Variants in AVIL observed in about 807,000 individuals in gnomAD.
The protein encoded by AVIL is advillin.
In AVIL, 78 loss-of-function variants were observed where a neutral mutation model predicts 109.9. That is an observed-to-expected ratio of 0.71 (90% CI 0.59 to 0.86). The LOEUF (loss-of-function observed/expected upper bound fraction) is 0.86. Among genes scored for constraint, AVIL ranks in the 40% least tolerant of loss-of-function variants. The probability of loss-of-function intolerance (pLI) is 0.00; values close to 1 mark genes in which losing one functional copy is unlikely to be tolerated. For missense variants in AVIL, 892 were observed against 1,016.5 expected (o/e 0.88, Z 1.67); for synonymous variants, 367 against 379.1 (o/e 0.97, Z 0.37).
chr12:57,812,587 C>A (rs574240848), intron 4 of AVIL, among the ~76,000 whole-genome samples: 4 of 148,860 alleles, frequency 2.7e-5, no homozygotes, highest in African/African-American at 9.9e-5. Flanking sequence ...GTCTTGAACT[C>A]CTGACCTCGT....
chr12:57,814,286 C>T lies in AVIL; in HGVS notation c.67-60G>A, dbSNP rs1276235180. 4.0e-6 allele frequency: 6 copies of T among 1,491,950 alleles called. No individual in the cohort carries two copies. In the Admixed American group the frequency reaches 5.7e-5, roughly 14 times the overall value. The allele number at this position is 1,491,950 out of a possible 1,614,324, so 92.4% of individuals were successfully genotyped here. On this transcript the variant is annotated intron_variant, in intron 2 of 19. Coordinates refer to ENST00000549994, the MANE Select transcript of AVIL (RefSeq NM_006576.4). ...CCTCCCACCTCCCTTCCCCATGAGCCTCCCTCTCCTCTCTGTCATTCGGTG... is the reference window on the plus strand; with the variant it reads ...CCTCCCACCTCCCTTCCCCATGAGCTTCCCTCTCCTCTCTGTCATTCGGTG...
Position 57,813,294 on chromosome 12 carries a change from C to T in AVIL, c.271G>A (p.Val91Met), listed in dbSNP as rs776067218. The T allele has an allele frequency of 4.3e-6, 7 of 1,614,134 alleles. No individual in the cohort carries two copies. The highest frequency in any genetic ancestry group is 2.2e-5 in the South Asian group (2 of 91,074). Residue 91 changes from valine (V) to methionine (M), a missense_variant, in exon 4 of 20, where the codon GTG becomes ATG. Physicochemically the swap from Val to Met is conservative, Grantham distance 21. Transcript: ENST00000549994. ...QLDDYLGGSP[V>M]QHREVQYHES... ...TGGTACTGGACCTCTCGGTGCTGCA[C>T]AGGGCTGCCTCCCAGGTAGTCGTCC...
chr12:57,817,439 A>C (rs773923565), intron 1 of AVIL, among the ~76,000 whole-genome samples: 11 of 151,642 alleles, frequency 7.3e-5, no homozygotes, highest in Non-Finnish European at 1.3e-4. Context: ...GCAGGACTAA[A>C]GCAAGGCAAT....
At chr12:57,814,380 G>T in intron 2 of AVIL, 154 bp from the exon 3 acceptor site, 1 of 715,480 alleles carries the variant, frequency 1.4e-6, no homozygotes, top group Non-Finnish European at 2.3e-6. Context: ...CCAGCCACAG[G>T]GTTAACGTGG....
rs532189662 is a variant in AVIL, at chr12:57,799,806, C to T, written c.2335G>A (p.Ala779Thr). ...CTTCAGCCACTCACCTCCTTTTTGG[C>T]AGGGTTTACATCCTCAGGCAGCTCC... ...NQELPEDVNP[A>T]KKENYLSEQD... The change falls in exon 19 of 20, where the codon GCC becomes ACC. Residue 779 changes from alanine to threonine, a missense_variant. Coordinates refer to ENST00000549994, the MANE Select transcript of AVIL (RefSeq NM_006576.4). 74 of 1,613,902 alleles carry T rather than the reference C, an allele frequency of 4.6e-5. No individual in the cohort carries two copies. In the South Asian group the frequency reaches 7.9e-4, roughly 17 times the overall value.
intron 17 of AVIL, 67 bp from the exon 18 acceptor site, chr12:57,801,279 G>T (rs527482959): frequency 3.7e-6 from 5 of 1,341,868 alleles, no homozygotes; most frequent in East Asian, 2.3e-5. Flanking sequence ...CTTAGGTCTG[G>T]TCTGTGTCTT....
chr12:57,799,675 G>T, intron 19 of AVIL, 120 bp downstream of exon 19: 1 of 1,414,646 alleles, frequency 7.1e-7, no homozygotes, highest in Non-Finnish European at 9.6e-7. Context: ...TTCCTAGGTA[G>T]CTCAGATGTC....
chr12:57,815,676 T>A, intron 2 of AVIL: 1 of 1,362,150 alleles, frequency 7.3e-7, no homozygotes. Context: ...GTCCCACCTG[T>A]CTTTCCAGGG....
At chr12:57,813,758 T>C (rs1205077411) in intron 3 of AVIL, among the ~76,000 whole-genome samples, 4 of 152,146 alleles carry the variant, frequency 2.6e-5, no homozygotes, top group Non-Finnish European at 5.9e-5. Context: ...GGCACAGTGC[T>C]CATCTGTACA....
chr12:57,805,229 G>A (rs757159068), intron 14 of AVIL, among the ~76,000 whole-genome samples: 8 of 151,068 alleles, frequency 5.3e-5, no homozygotes, highest in Non-Finnish European at 1.0e-4. Context: ...CTAATTTTTT[G>A]TATTTTTAGT....
At chr12:57,817,681 A>G (rs967967586) in intron 1 of AVIL, among the ~76,000 whole-genome samples, 3 of 152,132 alleles carry the variant, frequency 2.0e-5, no homozygotes, top group African/African-American at 2.4e-5. Context: ...GCCGGCAGCA[A>G]TTAGGACTGT....
Position 57,799,805 on chromosome 12 carries a change from G to A in AVIL, c.2336C>T (p.Ala779Val). 1 of 1,613,816 alleles carries A rather than the reference G, an allele frequency of 6.2e-7. No homozygotes were observed. Among genetic ancestry groups the A allele is most frequent in the Non-Finnish European group, 8.5e-7 (1 of 1,179,976 alleles). ...CCTTCAGCCACTCACCTCCTTTTTG[G>A]CAGGGTTTACATCCTCAGGCAGCTC... ...NQELPEDVNP[A>V]KKENYLSEQD... The change falls in exon 19 of 20, where the codon GCC becomes GTC. Residue 779 changes from alanine to valine, a missense_variant. Ala to Val is a moderately conservative substitution (Grantham distance 64). Transcript: ENST00000549994.
chr12:57,808,759 C>T, intron 9 of AVIL: 1 of 574,362 alleles, frequency 1.7e-6, no homozygotes, highest in Non-Finnish European at 3.0e-6. Context: ...TGTTTATTGG[C>T]TTGCGGTGAT....
At position 57,797,830 on chromosome 12, in the gene AVIL, G is replaced by T; in HGVS notation, c.*52C>A. Reference sequence around the variant, plus strand: ...GGTGGATAAATTATTTCCTGATATTGGCACTATCTGCTCTTTTCTGTGGCC... The same window carrying T: ...GGTGGATAAATTATTTCCTGATATTTGCACTATCTGCTCTTTTCTGTGGCC... On this transcript the variant is annotated 3_prime_UTR_variant, in exon 20 of 20. Transcript: ENST00000549994. 1.5e-6 allele frequency: 2 copies of T among 1,332,490 alleles called. No individual in the cohort carries two copies. Among genetic ancestry groups the T allele is most frequent in the Non-Finnish European group, 2.0e-6 (2 of 978,396 alleles). The allele number at this position is 1,332,490 out of a possible 1,614,324, so 82.5% of individuals were successfully genotyped here.
Sources: gnomAD v4.1 joint callset for allele counts (sites outside exome capture counted in the v4.1 genomes callset) on GRCh38, gnomAD v4.1.1 for gene constraint, MANE v1.5 for transcripts, NCBI Gene and HGNC (gene_info 2026-07-23, HGNC 2026-07-21) for gene names.